Variants in ACSS3 observed in about 807,000 individuals in gnomAD.
ACSS3 encodes the protein acyl-CoA synthetase short chain family member 3, also known as acyl-CoA synthetase short-chain family member 3, mitochondrial.
A neutral mutation model predicts 84.2 loss-of-function variants in ACSS3; 64 were observed. The observed-to-expected ratio is 0.76, with a 90% CI of 0.62 to 0.94. ACSS3 has a LOEUF of 0.94. ACSS3 is among the 40% of genes least tolerant of loss of function. ACSS3 has a pLI of 0.00. For missense variants in ACSS3, 815 were observed against 867.6 expected, an observed-to-expected ratio of 0.94 and a Z score of 0.76; for synonymous variants, 317 against 310.1, an observed-to-expected ratio of 1.02 and a Z score of -0.23.
At chr12:81,089,392 G>C (rs1178359096) in intron 1 of ACSS3, among the ~76,000 whole-genome samples, 1 of 151,868 alleles carries the variant, frequency 6.6e-6, no homozygotes, top group Non-Finnish European at 1.5e-5. Flanking sequence ...GTTAAGTGCA[G>C]AGATATATTT....
At chr12:81,200,566 A>G (rs1207591542) in intron 9 of ACSS3, among the ~76,000 whole-genome samples, 2 of 152,160 alleles carry the variant, frequency 1.3e-5, no homozygotes, top group Non-Finnish European at 1.5e-5. Flanking sequence ...TATACTTTTT[A>G]TATTATGTCC....
At chr12:81,121,184 T>A (rs1884563052) in intron 2 of ACSS3, among the ~76,000 whole-genome samples, 1 of 152,208 alleles carries the variant, frequency 6.6e-6, no homozygotes, top group Admixed American at 6.5e-5. Context: ...TCAAAGAAAC[T>A]GTAAAGGTTA....
intron 2 of ACSS3, among the ~76,000 whole-genome samples, chr12:81,131,686 G>A (rs1885515065): frequency 6.6e-6 from 1 of 152,122 alleles, no homozygotes; most frequent in African/African-American, 2.4e-5. Flanking sequence ...GGTGAGAGAG[G>A]GCATCCCTGT....
intron 8 of ACSS3, among the ~76,000 whole-genome samples, chr12:81,176,301 G>A (rs1182679746): frequency 6.6e-6 from 1 of 152,170 alleles, no homozygotes; most frequent in African/African-American, 2.4e-5. Flanking sequence ...CCAAGAGGCT[G>A]GGTGCTGTGT....
intron 13 of ACSS3, among the ~76,000 whole-genome samples, chr12:81,237,133 A>G (rs991649781): frequency 6.6e-6 from 1 of 151,548 alleles, no homozygotes; most frequent in Non-Finnish European, 1.5e-5. Flanking sequence ...CCAGTTTTAC[A>G]ACATAGAAAT....
intron 2 of ACSS3, among the ~76,000 whole-genome samples, chr12:81,128,239 T>C (rs1394628149): frequency 1.3e-5 from 2 of 152,094 alleles, no homozygotes; most frequent in Non-Finnish European, 2.9e-5. Context: ...TCCTTCTTAT[T>C]TTTGTACCTG....
Position 81,143,140 on chromosome 12 carries a change from G to T in ACSS3, c.814G>T (p.Asp272Tyr). 6.2e-7 allele frequency: 1 copy of T among 1,613,680 alleles called. No homozygotes were observed. Among genetic ancestry groups the T allele is most frequent in the Admixed American group, 1.7e-5 (1 of 60,022 alleles). ...TCCTTTGGCTCCCGGTCGTGACCTTGATTGGGATGAAGAGATGGCAAAAGC... is the reference window on the plus strand; with the variant it reads ...TCCTTTGGCTCCCGGTCGTGACCTTTATTGGGATGAAGAGATGGCAAAAGC... The part of the protein sequence containing the change: ...AVPLAPGRDL[D>Y]WDEEMAKAQS... Residue 272 changes from aspartate to tyrosine, a missense_variant, in exon 5 of 16, where the codon GAT (aspartate) becomes TAT (tyrosine). Physicochemically the swap from Asp to Tyr is radical, Grantham distance 160. Coordinates refer to ENST00000548058, the MANE Select transcript of ACSS3 (RefSeq NM_024560.4).
chr12:81,163,412 A>G (rs1382477460), intron 7 of ACSS3, among the ~76,000 whole-genome samples: 1 of 149,624 alleles, frequency 6.7e-6, no homozygotes, highest in Non-Finnish European at 1.5e-5. Context: ...TGTGCTGCCA[A>G]TGGGGTAAAA....
chr12:81,080,544 C>T (rs899398506), intron 1 of ACSS3, among the ~76,000 whole-genome samples: 4 of 151,926 alleles, frequency 2.6e-5, no homozygotes, highest in African/African-American at 7.2e-5. Flanking sequence ...TTCAGCAGTG[C>T]GATTCAATCT....
intron 8 of ACSS3, among the ~76,000 whole-genome samples, chr12:81,181,636 T>C (rs2030929880): frequency 6.7e-6 from 1 of 150,240 alleles, no homozygotes; most frequent in African/African-American, 2.4e-5. Context: ...AAATAGAAAA[T>C]TCAATGAAAT....
intron 8 of ACSS3, among the ~76,000 whole-genome samples, chr12:81,192,225 CA>C (rs1309295462): frequency 3.3e-5 from 5 of 151,460 alleles, no homozygotes; most frequent in Non-Finnish European, 7.4e-5. Flanking sequence ...ACTAAAAATA[CA>C]AAAAATTAGC....
At chr12:81,227,426 T>C (rs2033308219) in intron 11 of ACSS3, among the ~76,000 whole-genome samples, 1 of 134,210 alleles carries the variant, frequency 7.5e-6, no homozygotes, top group South Asian at 2.3e-4. Flanking sequence ...CACACACAAG[T>C]GTTGATTAGA....
At chr12:81,101,897 A>G (rs11608692) in intron 1 of ACSS3, among the ~76,000 whole-genome samples, 53,356 of 151,942 alleles carry the variant, frequency 0.35, 11,868 homozygotes, top group Non-Finnish European at 0.5. Flanking sequence ...TCATGCTGAA[A>G]TTGTTTGCCT....
chr12:81,126,468 T>A (rs1885103905), intron 2 of ACSS3, among the ~76,000 whole-genome samples: 1 of 152,240 alleles, frequency 6.6e-6, no homozygotes. Context: ...AGAATTATTT[T>A]CTCTGTCCAC....
At chr12:81,108,768 G>T (rs1331563394) in intron 1 of ACSS3, among the ~76,000 whole-genome samples, 1 of 152,076 alleles carries the variant, frequency 6.6e-6, no homozygotes, top group Non-Finnish European at 1.5e-5. Flanking sequence ...TCTGACATTG[G>T]AAGAAATGGA....
rs2034260553 is a variant in ACSS3, at chr12:81,255,128, A to G, written c.*206A>G. 2.2e-6 allele frequency: 1 copy of G among 457,316 alleles called. No homozygotes were observed. Among genetic ancestry groups the G allele is most frequent in the African/African-American group, 2.0e-5 (1 of 49,502 alleles). 28.3% of individuals were successfully genotyped at this position (457,316 alleles called of 1,614,324 possible). A position where few individuals can be genotyped will look rare whatever the true frequency, so the allele number is the denominator to read the frequency against. The stretch of plus-strand genomic sequence containing the variant: ...GTTTGACCCTGTTAGCATTGTTATT[A>G]GTTATCTATAACATGGCTTATTGAA... On this transcript the variant is annotated 3_prime_UTR_variant, in exon 16 of 16. Transcript: ENST00000548058.
At chr12:81,114,575 C>G (rs148476617) in intron 2 of ACSS3, among the ~76,000 whole-genome samples, 2,329 of 152,008 alleles carry the variant, frequency 0.015, 29 homozygotes, top group Non-Finnish European at 0.023. Context: ...CTTTTATTAT[C>G]TGTTTCCTTT....
At chr12:81,203,178 GT>G (rs2032188083) in intron 9 of ACSS3, among the ~76,000 whole-genome samples, 1 of 152,140 alleles carries the variant, frequency 6.6e-6, no homozygotes, top group African/African-American at 2.4e-5. Flanking sequence ...TGGAGTTGTT[GT>G]CCAGGGATAG....
Position 81,246,755 on chromosome 12 carries a change from G to A in ACSS3, c.1720-6552G>A, listed in dbSNP as rs117475824. Among the ~76,000 whole-genome samples, 374 of 152,300 alleles carry A rather than the reference G, an allele frequency of 2.5e-3. 1 individual carries two copies. Among genetic ancestry groups the A allele is most frequent in the Non-Finnish European group, 4.4e-3 (300 of 68,012 alleles). On this transcript the variant is annotated intron_variant, in intron 13 of 15. Coordinates refer to ENST00000548058, the MANE Select transcript of ACSS3 (RefSeq NM_024560.4). ...AAAGTAACATGATTAACAATTCACT[G>A]TGATCAGAGTATGCAGAGTCAAAGT... is the stretch of plus-strand genomic sequence containing the variant.
Sources: allele counts gnomAD v4.1 joint callset (sites outside exome capture counted in the v4.1 genomes callset), GRCh38; gene constraint gnomAD v4.1.1; transcripts MANE v1.5; gene names NCBI Gene and HGNC (gene_info 2026-07-23, HGNC 2026-07-21).